The following ATP8B3 variants were observed in gnomAD, a reference collection of about 807,000 sequenced individuals.
The protein encoded by ATP8B3 is ATPase phospholipid transporting 8B3.
Under a neutral mutation model 140.9 loss-of-function variants are expected in ATP8B3, and 141 were observed. The ratio of observed to expected loss-of-function variants is 1.00; its 90% CI spans 0.87 to 1.15. The LOEUF is 1.15. ATP8B3 is among the 50% of genes most tolerant of loss of function. The pLI is 0.00. For synonymous variants in ATP8B3, 765 were observed against 714.6 expected (o/e 1.07, Z -1.13); for missense variants, 1,874 against 1,740.6 (o/e 1.08, Z -1.36).
chr19:1,783,665 G>T (rs1013840224), intron 28 of ATP8B3, among the ~76,000 whole-genome samples: 9 of 152,196 alleles, frequency 5.9e-5, no homozygotes, highest in South Asian at 2.1e-4. Context: ...GCAAATCCAG[G>T]AGAGGTGAGC....
chr19:1,787,004 A>G lies in ATP8B3; in HGVS notation c.3153+99T>C, dbSNP rs77114032. The G allele has an allele frequency of 9.1e-4, 1,075 of 1,177,864 alleles. 10 individuals are homozygous for G. The African/African-American group carries it at 0.015, about 17-fold the overall frequency. 73.0% of individuals were successfully genotyped at this position (1,177,864 alleles called of 1,614,324 possible). ...CCCCTGAGCCCCACCCCATGGCCTG[A>G]AGGTCTCCCAGGCTCCCTCTCCCCG... On this transcript the variant is annotated intron_variant, in intron 25 of 28. Transcript: ENST00000310127.
At position 1,800,385 on chromosome 19, in the gene ATP8B3, T is replaced by G. The variant is rs374311475; in HGVS notation, c.1217A>C (p.Glu406Ala). 1.9e-6 allele frequency: 3 copies of G among 1,611,478 alleles called. No homozygotes were observed. In the African/African-American group the frequency reaches 4.0e-5, roughly 22 times the overall value. The change falls in exon 13 of 29, where the codon GAA becomes GCA. Residue 406 changes from glutamate (E) to alanine (A), a missense_variant. By Grantham distance (107) the Glu-to-Ala change is moderately radical. Transcript: ENST00000310127. This position sits in a 1 kb window ranked among gnomAD's most constrained non-coding sequence, Gnocchi z 4.4. The stretch of plus-strand genomic sequence containing the variant: ...GAGGTAGTAGTGGTGGTCTTTGAAT[T>G]CTTTGACTGAGAAACCGAAGCCGAA... ...LAFGFGFSVK[E>A]FKDHHYYLSG...
At chr19:1,799,752 G>A (rs553837577) in intron 14 of ATP8B3, 195 bp downstream of exon 14, 4 of 612,518 alleles carry the variant, frequency 6.5e-6, no homozygotes, top group South Asian at 3.9e-5. Flanking sequence ...TAGACAGAGT[G>A]AGACTCTGCC....
rs186722296 is a variant in ATP8B3, at chr19:1,790,764, C to T, written c.2371G>A (p.Glu791Lys). The change falls in exon 21 of 29, where the codon GAG (glutamate) becomes AAG (lysine). Residue 791 changes from glutamate to lysine, a missense_variant. Physicochemically the swap from Glu to Lys is moderately conservative, Grantham distance 56. Around this residue, in one of 3 missense-constraint regions of ATP8B3, gnomAD observed 840 missense variants for 760.9 expected, o/e 1.10. Transcript: ENST00000310127. ...SENMLILEEK[E>K]ISRILETYWE... ...CAACTCCCCACTTCTTACCTAATCT[C>T]CTTCTCCTCCAGAATGAGCATATTC... is the stretch of plus-strand genomic sequence containing the variant. 5.7e-4 allele frequency: 916 copies of T among 1,599,006 alleles called. 10 individuals are homozygous for T. In the East Asian group the frequency reaches 0.018, roughly 32 times the overall value.
rs1467101488 is a variant in ATP8B3, at chr19:1,811,697, C to G, written c.40G>C (p.Ala14Pro). Residue 14 changes from alanine (A) to proline (P), a missense_variant, in exon 2 of 29, where the codon GCT (alanine) becomes CCT (proline). Physicochemically the swap from Ala to Pro is conservative, Grantham distance 27. Around this residue, in one of 3 missense-constraint regions of ATP8B3, gnomAD observed 1,032 missense variants for 963.6 expected, o/e 1.07. Transcript: ENST00000310127. Reference protein sequence around the residue: ...GPAQTPRSTRAGPEPSPAPPG... With the variant: ...GPAQTPRSTRPGPEPSPAPPG... ...GGGGCAGGGCTTGGCTCAGGGCCAG[C>G]TCTGGTGCTCCTGGGAGTCTGAGCG... The G allele has an allele frequency of 1.7e-5, 27 of 1,605,560 alleles. No homozygotes were observed. Among genetic ancestry groups the G allele is most frequent in the Non-Finnish European group, 2.3e-5 (27 of 1,179,020 alleles).
intron 26 of ATP8B3, 70 bp from the exon 27 acceptor site, chr19:1,785,367 C>G: frequency 6.4e-7 from 1 of 1,550,420 alleles, no homozygotes; most frequent in Non-Finnish European, 8.7e-7. Context: ...CCCCTGGGGT[C>G]CAGGAAGGGC....
chr19:1,796,594 C>A (rs972968978), intron 16 of ATP8B3, 117 bp downstream of exon 16: 21 of 1,336,362 alleles, frequency 1.6e-5, no homozygotes, highest in Non-Finnish European at 1.9e-5. Flanking sequence ...CCGGCCTCAG[C>A]GCCCCCCAAG....
intron 10 of ATP8B3, 65 bp from the exon 11 acceptor site, chr19:1,802,710 C>A (rs1445296336): frequency 6.5e-7 from 1 of 1,540,778 alleles, no homozygotes. Context: ...TTCCCTGCAC[C>A]GGGTGCAGGT....
Position 1,803,645 on chromosome 19 carries a change from C to T in ATP8B3, c.905-1000G>A, listed in dbSNP as rs192163243. ...GGGTGCGGTGGCTATGCCTGCCATC[C>T]CAGCAATTTCAGAGGCCGAGGCGGG... On this transcript the variant is annotated intron_variant, in intron 10 of 28. Transcript: ENST00000310127. 1.6e-3 allele frequency among the ~76,000 whole-genome samples: 240 copies of T among 152,248 alleles called. 2 individuals carry two copies. The highest frequency in any genetic ancestry group is 2.7e-3 in the Non-Finnish European group (181 of 68,012).
intron 20 of ATP8B3, among the ~76,000 whole-genome samples, chr19:1,791,038 C>T (rs533593876): frequency 2.0e-5 from 3 of 152,158 alleles, no homozygotes; most frequent in African/African-American, 7.2e-5. Flanking sequence ...TAGTTCTGGC[C>T]GGGACTGGGC....
chr19:1,806,236 G>C lies in ATP8B3; in HGVS notation c.678-67C>G. 2 of 1,543,044 alleles carry C rather than the reference G, an allele frequency of 1.3e-6. No homozygotes were observed. The highest frequency in any genetic ancestry group is 8.7e-7 in the Non-Finnish European group (1 of 1,146,192). ...CAACCCTCCCCACACCGGGAGACCAGAGGCACGGGATGACGGGGGGCCCGC... is the reference window on the plus strand; with the variant it reads ...CAACCCTCCCCACACCGGGAGACCACAGGCACGGGATGACGGGGGGCCCGC... On this transcript the variant is annotated intron_variant, in intron 7 of 28. Coordinates refer to ENST00000310127, the MANE Select transcript of ATP8B3 (RefSeq NM_138813.4). This position sits in a 1 kb window ranked among gnomAD's most constrained non-coding sequence, Gnocchi z 5.6.
Position 1,810,651 on chromosome 19 carries a change from T to A in ATP8B3, c.281A>T (p.Glu94Val). 3.1e-6 allele frequency: 5 copies of A among 1,613,008 alleles called. No individual in the cohort carries two copies. The highest frequency in any genetic ancestry group is 4.2e-6 in the Non-Finnish European group (5 of 1,179,610). Residue 94 changes from glutamate (E) to valine (V), a missense_variant, in exon 3 of 29, where the codon GAA becomes GTA. Transcript: ENST00000310127. Reference sequence around the variant, plus strand: ...GTTCCTGTCCTCATCTTGGAGATCTTCTCTCTGGCCGAGGCTGCCCATGCT... The same window carrying A: ...GTTCCTGTCCTCATCTTGGAGATCTACTCTCTGGCCGAGGCTGCCCATGCT... ...PTSMGSLGQR[E>V]DLQDEDRNSA...
At chr19:1,811,164 A>G (rs150059345) in intron 2 of ATP8B3, among the ~76,000 whole-genome samples, 9 of 152,270 alleles carry the variant, frequency 5.9e-5, no homozygotes, top group African/African-American at 9.6e-5. Flanking sequence ...CCCCCGGGCT[A>G]TATGTTATAT....
chr19:1,810,001 C>T (rs2069142217), intron 3 of ATP8B3, among the ~76,000 whole-genome samples: 1 of 152,206 alleles, frequency 6.6e-6, no homozygotes, highest in Non-Finnish European at 1.5e-5. Flanking sequence ...AGAGAACAGG[C>T]CCTGGGAGAC....
At chr19:1,796,677 G>A (rs745863548) in intron 16 of ATP8B3, 34 bp downstream of exon 16, 1 of 1,595,970 alleles carries the variant, frequency 6.3e-7, no homozygotes, top group Non-Finnish European at 8.5e-7. Flanking sequence ...CGGGGGCTGA[G>A]CGGCCTCAGA....
At chr19:1,802,084 C>A in intron 11 of ATP8B3, 40 bp from the exon 12 acceptor site, 1 of 1,432,322 alleles carries the variant, frequency 7.0e-7, no homozygotes, top group Non-Finnish European at 9.4e-7. Context: ...CCCACCCACC[C>A]ATCCACCCCT....
chr19:1,789,109 C>T lies in ATP8B3; in HGVS notation c.2857G>A (p.Gly953Ser). The T allele has an allele frequency of 1.9e-6, 3 of 1,588,940 alleles. No individual in the cohort carries two copies. The highest frequency in any genetic ancestry group is 2.6e-6 in the Non-Finnish European group (3 of 1,172,906). ...CCCTCCTGGCCCGCCAGCCCCACGC[C>T]CACGTCCGCGGCTGCAGGGCACAAG... ...DINMIKTADV[G>S]VGLAGQEGMQ... The change falls in exon 24 of 29, where the codon GGC becomes AGC. Residue 953 changes from glycine to serine, a missense_variant. This residue lies in a region of ATP8B3 where 840 missense variants were observed against 760.9 expected (regional missense o/e 1.10). Coordinates refer to ENST00000310127, the MANE Select transcript of ATP8B3 (RefSeq NM_138813.4).
rs1478556940 is a variant in ATP8B3, at chr19:1,784,919, G to A, written c.3560C>T (p.Pro1187Leu). 6.2e-7 allele frequency: 1 copy of A among 1,612,404 alleles called. No homozygotes were observed. Among genetic ancestry groups the A allele is most frequent in the East Asian group, 2.2e-5 (1 of 44,888 alleles). ...CAGCAGGACCACCAGCAGGATGGAG[G>A]GAGAGGACATCACGCTGAGGTCGGC... is the stretch of plus-strand genomic sequence containing the variant. The part of the protein sequence containing the change: ...LYADLSVMSS[P>L]SILLVVLLSV... Residue 1187 changes from proline (P) to leucine (L), a missense_variant, in exon 28 of 29, where the codon CCC becomes CTC. Pro to Leu is a moderately conservative substitution (Grantham distance 98). This residue lies in a region of ATP8B3 where 840 missense variants were observed against 760.9 expected (regional missense o/e 1.10). Coordinates refer to ENST00000310127, the MANE Select transcript of ATP8B3 (RefSeq NM_138813.4).
At position 1,806,115 on chromosome 19, in the gene ATP8B3, G is replaced by A; in HGVS notation, c.732C>T (p.Arg244=). 1 of 1,603,392 alleles carries A rather than the reference G, an allele frequency of 6.2e-7. No individual in the cohort carries two copies. Among genetic ancestry groups the A allele is most frequent in the Non-Finnish European group, 8.5e-7 (1 of 1,175,446 alleles). ...AGCTCACTGGGACGATGTTGTCCTTGCGGAGACAGACCACATCCCCCACGC... is the reference window on the plus strand; with the variant it reads ...AGCTCACTGGGACGATGTTGTCCTTACGGAGACAGACCACATCCCCCACGC... ...DLCVGDVVCL[R]KDNIVPADML... is the part of the protein sequence containing the mutation. Residue 244 remains arginine, a synonymous_variant, in exon 8 of 29, where the codon CGC becomes CGT. Transcript: ENST00000310127. The surrounding 1 kb of genome is among the most constrained non-coding windows in gnomAD (Gnocchi z 5.6).
Sources: gnomAD v4.1 joint callset for allele counts (sites outside exome capture counted in the v4.1 genomes callset) on GRCh38, gnomAD v4.1.1 for gene constraint, gnomAD v4.1.1 regional missense constraint, Gnocchi (gnomAD v3.1) non-coding constraint, MANE v1.5 for transcripts, NCBI Gene and HGNC (gene_info 2026-07-23, HGNC 2026-07-21) for gene names.